RHBDL2: variants seen among roughly 807,000 people sequenced by gnomAD.
The protein encoded by RHBDL2 is rhomboid like 2, also known as rhomboid-related protein 2.
Under a neutral mutation model 31.7 loss-of-function variants are expected in RHBDL2, and 26 were observed. That is an observed-to-expected ratio of 0.82 (90% confidence interval 0.60 to 1.14). RHBDL2 has a LOEUF of 1.14. RHBDL2 is among the 50% of genes most tolerant of loss of function. RHBDL2 has a pLI of 0.00. For missense variants in RHBDL2, 336 were observed against 364.4 expected (o/e 0.92, Z 0.63); for synonymous variants, 123 against 127.2 (o/e 0.97, Z 0.22).
intron 7 of RHBDL2, 25 bp downstream of exon 7, chr1:38,887,938 T>C (rs1437381586): frequency 6.5e-7 from 1 of 1,537,970 alleles, no homozygotes; most frequent in African/African-American, 1.4e-5. Flanking sequence ...ATTTCTATTT[T>C]ATAAAAGAAA....
At chr1:38,908,513 CAAAAAAAAAAA>C (rs35185971) in intron 4 of RHBDL2, among the ~76,000 whole-genome samples, 2 of 66,876 alleles carry the variant, frequency 3.0e-5, no homozygotes, top group African/African-American at 6.0e-5. Context: ...ACTCCGTCTC[CAAAAAAAAAAA>C]AAAAAAAAAA....
chr1:38,904,783 G>A (rs80290694), intron 4 of RHBDL2, among the ~76,000 whole-genome samples: 9,783 of 150,040 alleles, frequency 0.065, 378 homozygotes, highest in Middle Eastern at 0.17. Flanking sequence ...TGTAATCCCA[G>A]CACTTTGGGA....
chr1:38,918,477 A>G (rs1255823869), intron 2 of RHBDL2, among the ~76,000 whole-genome samples: 1 of 152,096 alleles, frequency 6.6e-6, no homozygotes, highest in East Asian at 1.9e-4. Context: ...AAACAAGAGG[A>G]CTGACTAGAT....
chr1:38,905,556 C>T (rs1033327999), intron 4 of RHBDL2, among the ~76,000 whole-genome samples: 1 of 149,860 alleles, frequency 6.7e-6, no homozygotes, highest in Non-Finnish European at 1.5e-5. Flanking sequence ...TTGAAATCAG[C>T]CTGGCCAACA....
chr1:38,915,057 T>A (rs115330937), intron 3 of RHBDL2, among the ~76,000 whole-genome samples: 228 of 150,778 alleles, frequency 1.5e-3, no homozygotes, highest in Non-Finnish European at 2.7e-3. Flanking sequence ...GAAAGGATGC[T>A]GGCCTTAGAG....
chr1:38,914,240 A>ATTTAT (rs1396877670), intron 3 of RHBDL2, among the ~76,000 whole-genome samples: 1 of 151,658 alleles, frequency 6.6e-6, no homozygotes, highest in Admixed American at 6.6e-5. Context: ...CATGAACTAA[A>ATTTAT]TTTATTTTAT....
rs377113951 is a variant in RHBDL2 at position 38,913,118 on chromosome 1, G to A, written c.396-1684C>T. ...CTGCCTCAGCTTCCCAAGTAGCTGCGGTTACAGGCACCTGCCACCACGCCC... is the reference window on the plus strand; with the variant it reads ...CTGCCTCAGCTTCCCAAGTAGCTGCAGTTACAGGCACCTGCCACCACGCCC... On this transcript the variant is annotated intron_variant, in intron 3 of 7. Transcript: ENST00000372990. 9.2e-5 allele frequency among the ~76,000 whole-genome samples: 14 copies of A among 151,484 alleles called. No individual in the cohort carries two copies. In the East Asian group the frequency reaches 2.3e-3, roughly 25 times the overall value.
At chr1:38,910,522 C>T (rs1003005123) in intron 4 of RHBDL2, among the ~76,000 whole-genome samples, 1 of 152,166 alleles carries the variant, frequency 6.6e-6, no homozygotes, top group Non-Finnish European at 1.5e-5. Flanking sequence ...ATCTTAGGCA[C>T]ACCCAGATTT....
At chr1:38,915,495 A>G in intron 3 of RHBDL2, 67 bp downstream of exon 3, 2 of 1,533,040 alleles carry the variant, frequency 1.3e-6, no homozygotes. Flanking sequence ...TAAAGCACTC[A>G]ACAAATGTTA....
intron 1 of RHBDL2, among the ~76,000 whole-genome samples, chr1:38,921,128 G>A (rs1212746407): frequency 6.6e-6 from 1 of 152,166 alleles, no homozygotes; most frequent in African/African-American, 2.4e-5. Context: ...CAGTATCTGG[G>A]CCGGGCGTGG....
intron 2 of RHBDL2, among the ~76,000 whole-genome samples, chr1:38,917,162 T>C (rs1382813525): frequency 2.0e-5 from 3 of 150,846 alleles, no homozygotes; most frequent in Admixed American, 6.6e-5. Flanking sequence ...GGACTACAGG[T>C]GCCCGCCACC....
At chr1:38,928,097 TAAA>T (rs749728925) in intron 1 of RHBDL2, among the ~76,000 whole-genome samples, 10 of 151,440 alleles carry the variant, frequency 6.6e-5, no homozygotes, top group Non-Finnish European at 1.5e-5. Flanking sequence ...GTCTCTGAAA[TAAA>T]TAAATAAATT....
chr1:38,928,595 C>T (rs996776065), intron 1 of RHBDL2, among the ~76,000 whole-genome samples: 7 of 151,790 alleles, frequency 4.6e-5, no homozygotes, highest in East Asian at 2.0e-4. Context: ...TACAGGCATG[C>T]GCCACCACGC....
chr1:38,924,029 G>C (rs992602632), intron 1 of RHBDL2, among the ~76,000 whole-genome samples: 4 of 152,060 alleles, frequency 2.6e-5, no homozygotes, highest in Admixed American at 2.6e-4. Context: ...TAAGGATTGG[G>C]GAGGGAGAGA....
intron 3 of RHBDL2, among the ~76,000 whole-genome samples, chr1:38,914,801 G>A (rs570416031): frequency 9.2e-4 from 140 of 151,550 alleles, no homozygotes; most frequent in South Asian, 2.1e-3. Flanking sequence ...AGGCCAAGGC[G>A]GATGGATCAC....
At chr1:38,917,660 A>G (rs1040019723) in intron 2 of RHBDL2, among the ~76,000 whole-genome samples, 20 of 152,192 alleles carry the variant, frequency 1.3e-4, no homozygotes, top group African/African-American at 4.8e-4. Context: ...CCCAGTTGCA[A>G]GCAGTCTCAC....
chr1:38,932,852 C>T (rs9970639), intron 1 of RHBDL2, among the ~76,000 whole-genome samples: 23,688 of 152,100 alleles, frequency 0.16, 3,811 homozygotes, highest in African/African-American at 0.41. Flanking sequence ...TGACATCTCA[C>T]ACCATTCTGC....
At chr1:38,911,207 T>G in intron 4 of RHBDL2, 115 bp downstream of exon 4, 1 of 659,336 alleles carries the variant, frequency 1.5e-6, no homozygotes, top group Non-Finnish European at 2.7e-6. Context: ...CCCGAGCACA[T>G]ATTAGGAGTG....
At chr1:38,888,075 C>T in intron 6 of RHBDL2, 51 bp from the exon 7 acceptor site, 2 of 1,284,852 alleles carry the variant, frequency 1.6e-6, no homozygotes, top group South Asian at 1.3e-5. Context: ...CAGTAGTACA[C>T]CAAATGTTTT....
Sources: gnomAD v4.1 joint callset for allele counts (sites outside exome capture counted in the v4.1 genomes callset) on GRCh38, gnomAD v4.1.1 for gene constraint, MANE v1.5 for transcripts, NCBI Gene and HGNC (gene_info 2026-07-23, HGNC 2026-07-21) for gene names.